MYRIP: variants seen among roughly 807,000 people sequenced by gnomAD.
MYRIP encodes rab effector MyRIP.
Under a neutral mutation model 98.0 loss-of-function variants are expected in MYRIP, and 49 were observed. That is an observed-to-expected ratio of 0.50 (90% CI 0.40 to 0.63). MYRIP has a LOEUF of 0.63. Ranked by LOEUF, MYRIP falls within the 30% of genes least tolerant of loss-of-function variation. The probability of loss-of-function intolerance (pLI) is 0.00; values close to 1 mark genes in which losing one functional copy is unlikely to be tolerated. For missense variants in MYRIP, 1,004 were observed against 1,058.2 expected (o/e 0.95, Z 0.71); for synonymous variants, 404 against 409.5 (o/e 0.99, Z 0.16).
At chr3:40,056,927 C>T (rs755999753) in intron 3 of MYRIP, among the ~76,000 whole-genome samples, 2 of 152,110 alleles carry the variant, frequency 1.3e-5, no homozygotes, top group Non-Finnish European at 2.9e-5. Flanking sequence ...AGTGCCCATC[C>T]CTTGGAGTTG....
At chr3:40,065,028 T>C (rs1044215355) in intron 3 of MYRIP, among the ~76,000 whole-genome samples, 3 of 152,080 alleles carry the variant, frequency 2.0e-5, no homozygotes, top group East Asian at 1.9e-4. Flanking sequence ...TACCACAAAC[T>C]GGGTGGGTTA....
chr3:40,078,072 G>A (rs910537253), intron 3 of MYRIP, among the ~76,000 whole-genome samples: 3 of 152,248 alleles, frequency 2.0e-5, no homozygotes, highest in South Asian at 4.1e-4. Flanking sequence ...GCCCTGCCCC[G>A]CGGGAAGGCA....
intron 1 of MYRIP, among the ~76,000 whole-genome samples, chr3:39,821,724 A>T (rs1227774058): frequency 6.6e-6 from 1 of 151,852 alleles, no homozygotes; most frequent in Non-Finnish European, 1.5e-5. Context: ...CTTATGACTT[A>T]TATGTTTTTT....
chr3:39,923,885 A>G (rs1167043834), intron 2 of MYRIP, among the ~76,000 whole-genome samples: 1 of 151,928 alleles, frequency 6.6e-6, no homozygotes, highest in African/African-American at 2.4e-5. Flanking sequence ...TAAGTTTACT[A>G]TACTTCACTT....
At chr3:40,213,561 C>T (rs1952026729) in intron 11 of MYRIP, among the ~76,000 whole-genome samples, 1 of 152,054 alleles carries the variant, frequency 6.6e-6, no homozygotes, top group South Asian at 2.1e-4. Flanking sequence ...TCTTCAGGAT[C>T]AGAGTTAACT....
At chr3:40,210,301 A>G (rs1218672225) in intron 11 of MYRIP, among the ~76,000 whole-genome samples, 1 of 152,176 alleles carries the variant, frequency 6.6e-6, no homozygotes, top group African/African-American at 2.4e-5. Flanking sequence ...GAAGTTTCCC[A>G]AGAACTCTTA....
chr3:39,840,775 T>A (rs547571974), intron 1 of MYRIP, among the ~76,000 whole-genome samples: 1 of 152,338 alleles, frequency 6.6e-6, no homozygotes, highest in South Asian at 2.1e-4. Flanking sequence ...TCTTTAAGAA[T>A]GTTGAATATT....
chr3:39,874,135 CTGTT>C (rs1942900025), intron 1 of MYRIP, among the ~76,000 whole-genome samples: 2 of 151,880 alleles, frequency 1.3e-5, no homozygotes, highest in Admixed American at 1.3e-4. Context: ...ATTTGGCTCT[CTGTT>C]TGTCTGTTGT....
intron 3 of MYRIP, among the ~76,000 whole-genome samples, chr3:40,133,519 G>A (rs1949692072): frequency 6.6e-6 from 1 of 152,204 alleles, no homozygotes; most frequent in South Asian, 2.1e-4. Context: ...GCTTAGAGAA[G>A]AAGTGAGAAA....
chr3:40,223,923 T>A (rs904419230), intron 11 of MYRIP, among the ~76,000 whole-genome samples: 2 of 152,120 alleles, frequency 1.3e-5, no homozygotes, highest in African/African-American at 4.8e-5. Context: ...TGGATAGTCA[T>A]GAACTCTCTG....
intron 2 of MYRIP, among the ~76,000 whole-genome samples, chr3:40,026,201 G>T (rs1559369674): frequency 6.6e-6 from 1 of 152,102 alleles, no homozygotes; most frequent in East Asian, 1.9e-4. Context: ...GCTAGGAAAA[G>T]AATTTAGTGA....
chr3:40,226,975 T>C (rs1952508850), intron 11 of MYRIP, among the ~76,000 whole-genome samples: 1 of 152,178 alleles, frequency 6.6e-6, no homozygotes, highest in Non-Finnish European at 1.5e-5. Flanking sequence ...TTTCTTGTGC[T>C]TCCAAACCTT....
At chr3:39,928,880 T>A (rs1418394869) in intron 2 of MYRIP, among the ~76,000 whole-genome samples, 3 of 151,950 alleles carry the variant, frequency 2.0e-5, no homozygotes, top group Non-Finnish European at 4.4e-5. Flanking sequence ...TTGGAAAGTG[T>A]GATGCATACT....
At chr3:39,871,018 C>T (rs1942773684) in intron 1 of MYRIP, among the ~76,000 whole-genome samples, 1 of 152,172 alleles carries the variant, frequency 6.6e-6, no homozygotes, top group South Asian at 2.1e-4. Context: ...AGTCCATTTT[C>T]CCATGTAGGT....
intron 2 of MYRIP, among the ~76,000 whole-genome samples, chr3:40,043,191 A>G (rs1399128355): frequency 1.3e-5 from 2 of 152,220 alleles, no homozygotes; most frequent in Admixed American, 1.3e-4. Flanking sequence ...TAGTCTAGTA[A>G]TATAGTACTA....
chr3:40,256,463 C>A (rs1031892565), intron 16 of MYRIP, among the ~76,000 whole-genome samples: 2 of 150,860 alleles, frequency 1.3e-5, no homozygotes, highest in African/African-American at 4.9e-5. Context: ...AAAATAAACC[C>A]AAAAAACATT....
intron 2 of MYRIP, among the ~76,000 whole-genome samples, chr3:39,938,222 T>C (rs1286952399): frequency 1.3e-5 from 2 of 152,216 alleles, no homozygotes; most frequent in Non-Finnish European, 2.9e-5. Context: ...ATTTTTGAAC[T>C]TTATATAAAT....
intron 1 of MYRIP, among the ~76,000 whole-genome samples, chr3:39,875,835 G>C (rs551272936): frequency 6.6e-6 from 1 of 152,068 alleles, no homozygotes; most frequent in South Asian, 2.1e-4. Flanking sequence ...GGGGTGGAGA[G>C]TTCTGTAGAT....
chr3:39,830,237 C>T (rs1382447332), intron 1 of MYRIP, among the ~76,000 whole-genome samples: 1 of 152,118 alleles, frequency 6.6e-6, no homozygotes, highest in Non-Finnish European at 1.5e-5. Flanking sequence ...ATATTCTATT[C>T]ACTTGGATGA....
Sources: gnomAD v4.1 joint callset for allele counts (sites outside exome capture counted in the v4.1 genomes callset) on GRCh38, gnomAD v4.1.1 for gene constraint, MANE v1.5 for transcripts, NCBI Gene and HGNC (gene_info 2026-07-23, HGNC 2026-07-21) for gene names.